The following DEPTOR variants were observed in gnomAD, a reference collection of about 807,000 sequenced individuals.
The protein encoded by DEPTOR is DEP domain containing MTOR interacting protein.
DEPTOR carries 41 observed loss-of-function variants against 41.6 expected under a neutral mutation model. That is an observed-to-expected ratio of 0.98 (90% CI 0.77 to 1.28). The LOEUF (loss-of-function observed/expected upper bound fraction) is 1.28. DEPTOR is among the 50% of genes most tolerant of loss of function. The probability of loss-of-function intolerance (pLI) is 0.00; values close to 1 mark genes in which losing one functional copy is unlikely to be tolerated. For missense variants in DEPTOR, 514 were observed against 527.9 expected (o/e 0.97, Z 0.26); for synonymous variants, 195 against 192.3 (o/e 1.01, Z -0.12).
At chr8:119,992,880 C>T (rs902303320) in intron 4 of DEPTOR, among the ~76,000 whole-genome samples, 2 of 152,078 alleles carry the variant, frequency 1.3e-5, no homozygotes, top group African/African-American at 4.8e-5. Flanking sequence ...TAGTTTCGAA[C>T]TCCTGACCCC....
chr8:119,928,365 A>T (rs1184505440), intron 1 of DEPTOR, 35 bp from the exon 2 acceptor site: 1 of 1,601,170 alleles, frequency 6.2e-7, no homozygotes, highest in East Asian at 2.2e-5. Context: ...TGCTGTCATC[A>T]GAATTTCCAA....
At chr8:119,880,888 A>G (rs1356980499) in intron 1 of DEPTOR, among the ~76,000 whole-genome samples, 3 of 152,248 alleles carry the variant, frequency 2.0e-5, no homozygotes, top group Non-Finnish European at 4.4e-5. Flanking sequence ...GAGAAAATGC[A>G]TCAATCATTA....
At chr8:120,049,234 CTT>C (rs1376601358) in intron 8 of DEPTOR, among the ~76,000 whole-genome samples, 1 of 151,786 alleles carries the variant, frequency 6.6e-6, no homozygotes, top group African/African-American at 2.4e-5. Context: ...AGGTATTACT[CTT>C]ATTATTATTA....
intron 1 of DEPTOR, among the ~76,000 whole-genome samples, chr8:119,918,107 GAGGCTGGCGTGGATCCTCTGTGTGCTGA>G (rs896666895): frequency 6.6e-6 from 1 of 152,182 alleles, no homozygotes; most frequent in Non-Finnish European, 1.5e-5. Flanking sequence ...AGGGAACTCA[GAGGCTGGCGTGGATCCTCTGTGTGCTGA>G]ACGCCGGTCT....
rs999602227 is a variant in DEPTOR, at chr8:119,985,826, CTTTTTTTTTTTTTTTTTTTTTTTT to C, written c.605-15685_605-15662del. ...AGAGACTAGGATTGCAACCCCTGCT[CTTTTTTTTTTTTTTTTTTTTTTTT>C]TTTTTTTTTTTTTGCTTTCCATTTG... On this transcript the variant is annotated intron_variant, in intron 4 of 8. Coordinates refer to ENST00000286234, the MANE Select transcript of DEPTOR (RefSeq NM_022783.4). Among the ~76,000 whole-genome samples the C allele has an allele frequency of 4.1e-3, 171 of 41,634 alleles. 4 individuals carry two copies. The highest frequency in any genetic ancestry group is 2.9e-3 in the Non-Finnish European group (70 of 24,504). The allele number at this position is 41,634 out of a possible 152,430, so 27.3% of individuals were successfully genotyped here. A position where few individuals can be genotyped will look rare whatever the true frequency, so the allele number is the denominator to read the frequency against.
intron 1 of DEPTOR, among the ~76,000 whole-genome samples, chr8:119,901,324 G>A (rs1331190877): frequency 6.6e-6 from 1 of 152,110 alleles, no homozygotes; most frequent in Non-Finnish European, 1.5e-5. Flanking sequence ...TATAATTGCA[G>A]GTGAGAAGAT....
At chr8:119,998,959 A>AG (rs1047422022) in intron 4 of DEPTOR, among the ~76,000 whole-genome samples, 25 of 151,650 alleles carry the variant, frequency 1.6e-4, no homozygotes, top group African/African-American at 2.2e-4. Context: ...AAAAAAAAAA[A>AG]AAGAAGAAGA....
intron 3 of DEPTOR, among the ~76,000 whole-genome samples, chr8:119,950,479 G>C (rs766994460): frequency 2.6e-5 from 4 of 152,054 alleles, no homozygotes; most frequent in African/African-American, 7.2e-5. Flanking sequence ...GCAGTGGTGC[G>C]ATCTCAGCTC....
chr8:120,012,516 T>C (rs1354717949), intron 8 of DEPTOR, among the ~76,000 whole-genome samples: 1 of 152,060 alleles, frequency 6.6e-6, no homozygotes, highest in African/African-American at 2.4e-5. Context: ...ATTTTTTTTT[T>C]AAAGCATTCT....
At chr8:119,955,873 A>G (rs1342510659) in intron 3 of DEPTOR, among the ~76,000 whole-genome samples, 1 of 152,214 alleles carries the variant, frequency 6.6e-6, no homozygotes, top group Non-Finnish European at 1.5e-5. Context: ...TAAAGCTGGA[A>G]GAAGAAGGAA....
At chr8:119,889,441 G>A (rs1827417448) in intron 1 of DEPTOR, among the ~76,000 whole-genome samples, 1 of 151,052 alleles carries the variant, frequency 6.6e-6, no homozygotes, top group Non-Finnish European at 1.5e-5. Context: ...GAGCTACTTG[G>A]GAGGCTAAGG....
At chr8:119,941,467 A>G (rs1828203199) in intron 3 of DEPTOR, among the ~76,000 whole-genome samples, 1 of 152,138 alleles carries the variant, frequency 6.6e-6, no homozygotes, top group African/African-American at 2.4e-5. Flanking sequence ...CAATATTTTA[A>G]AACACACAAA....
At chr8:119,999,193 C>T (rs956456544) in intron 4 of DEPTOR, among the ~76,000 whole-genome samples, 4 of 151,128 alleles carry the variant, frequency 2.6e-5, no homozygotes, top group African/African-American at 7.3e-5. Flanking sequence ...CGCTTGAACC[C>T]GAGACTCGGT....
chr8:119,999,575 G>C (rs970807618), intron 4 of DEPTOR, among the ~76,000 whole-genome samples: 1 of 152,180 alleles, frequency 6.6e-6, no homozygotes, highest in Admixed American at 6.5e-5. Context: ...AGTGAGCTAT[G>C]ATCGTGCCAC....
intron 1 of DEPTOR, among the ~76,000 whole-genome samples, chr8:119,876,763 T>G (rs533077199): frequency 6.6e-6 from 1 of 152,194 alleles, no homozygotes; most frequent in African/African-American, 2.4e-5. Flanking sequence ...CAGGTCAACA[T>G]TAGCTAAGGT....
In DEPTOR at chr8:120,003,058, G is replaced by A. The variant is rs776387303; in HGVS notation, c.872G>A (p.Ser291Asn). Residue 291 changes from serine (S) to asparagine (N), a missense_variant, in exon 6 of 9, where the codon AGC (serine) becomes AAC (asparagine). Transcript: ENST00000286234. The stretch of plus-strand genomic sequence containing the variant: ...AGCTGTGGCAGCAGCGGCTACTTCA[G>A]CAGCAGCCCCACCCTCAGCAGCAGC... The part of the protein sequence containing the change: ...MSSCGSSGYF[S>N]SSPTLSSSPP... 7 of 1,612,282 alleles carry A rather than the reference G, an allele frequency of 4.3e-6. No individual in the cohort carries two copies. The highest frequency in any genetic ancestry group is 5.9e-6 in the Non-Finnish European group (7 of 1,179,634).
At chr8:119,943,421 G>A (rs1396260620) in intron 3 of DEPTOR, among the ~76,000 whole-genome samples, 1 of 152,156 alleles carries the variant, frequency 6.6e-6, no homozygotes, top group African/African-American at 2.4e-5. Flanking sequence ...GGGTGAGAGA[G>A]ATAGTAGGAG....
chr8:119,906,460 G>GA (rs995625424), intron 1 of DEPTOR, among the ~76,000 whole-genome samples: 8 of 148,602 alleles, frequency 5.4e-5, no homozygotes, highest in Non-Finnish European at 7.5e-5. Context: ...TGACTCAAAA[G>GA]AAAAAAAAAA....
intron 1 of DEPTOR, among the ~76,000 whole-genome samples, chr8:119,875,165 A>C (rs1373884668): frequency 6.6e-6 from 1 of 152,216 alleles, no homozygotes; most frequent in African/African-American, 2.4e-5. Context: ...CATCAAAAGT[A>C]CTTTCTAATG....
Sources: gnomAD v4.1 joint callset for allele counts (sites outside exome capture counted in the v4.1 genomes callset) on GRCh38, gnomAD v4.1.1 for gene constraint, MANE v1.5 for transcripts, NCBI Gene and HGNC (gene_info 2026-07-23, HGNC 2026-07-21) for gene names.